The following HOMEZ variants were observed in gnomAD, a reference collection of about 807,000 sequenced individuals.
HOMEZ encodes the protein homeobox and leucine zipper protein Homez.
HOMEZ carries 20 observed loss-of-function variants against 50.1 expected under a neutral mutation model. That is an observed-to-expected ratio of 0.40 (90% CI 0.28 to 0.58). HOMEZ has a LOEUF of 0.58. Ranked by LOEUF, HOMEZ falls within the 20% of genes least tolerant of loss-of-function variation. The probability of loss-of-function intolerance (pLI) is 0.46; values close to 1 mark genes in which losing one functional copy is unlikely to be tolerated. For missense variants in HOMEZ, 579 were observed against 680.5 expected (o/e 0.85, Z 1.66); for synonymous variants, 239 against 254.7 (o/e 0.94, Z 0.59).
In HOMEZ at chr14:23,275,816, G is replaced by A; in HGVS notation, c.1412C>T (p.Ala471Val). The change falls in exon 2 of 2, where the codon GCA becomes GTA. Residue 471 changes from alanine to valine, a missense_variant. By Grantham distance (64) the Ala-to-Val change is moderately conservative (BLOSUM62 0). Coordinates refer to ENST00000357460, the MANE Select transcript of HOMEZ (RefSeq NM_020834.3). Reference protein sequence around the residue: ...PDIQPLERYWAAHQQLRETDI... With the variant: ...PDIQPLERYWVAHQQLRETDI... ...AGTTTCCCGTAGCTGTTGGTGGGCT[G>A]CCCAGTACCTCTCCAAGGGTTGTAT... 6.2e-7 allele frequency: 1 copy of A among 1,607,450 alleles called. No homozygotes were observed. The highest frequency in any genetic ancestry group is 8.5e-7 in the Non-Finnish European group (1 of 1,176,198).
At chr14:23,281,306 C>T (rs1886550952) in intron 1 of HOMEZ, among the ~76,000 whole-genome samples, 1 of 152,152 alleles carries the variant, frequency 6.6e-6, no homozygotes, top group African/African-American at 2.4e-5. Context: ...GAAAGCAATA[C>T]TGCTTGAAGA....
At position 23,272,900 on chromosome 14, in the gene HOMEZ, C is replaced by G; in HGVS notation, c.*2675G>C. 1 of 1,487,968 alleles carries G rather than the reference C, an allele frequency of 6.7e-7. No homozygotes were observed. The highest frequency in any genetic ancestry group is 9.1e-7 in the Non-Finnish European group (1 of 1,095,870). The allele number at this position is 1,487,968 out of a possible 1,614,324, so 92.2% of individuals were successfully genotyped here. A position where few individuals can be genotyped will look rare whatever the true frequency, so the allele number is the denominator to read the frequency against. On this transcript the variant is annotated 3_prime_UTR_variant, in exon 2 of 2. Coordinates refer to ENST00000357460, the MANE Select transcript of HOMEZ (RefSeq NM_020834.3). Reference sequence around the variant, plus strand: ...GGACCACTTCTAGATAGATCATCTTCAAGATCTGATCTATACATGCTGCTG... The same window carrying G: ...GGACCACTTCTAGATAGATCATCTTGAAGATCTGATCTATACATGCTGCTG...
chr14:23,280,728 T>TA (rs1555323595), intron 1 of HOMEZ, among the ~76,000 whole-genome samples: 3 of 62,798 alleles, frequency 4.8e-5, no homozygotes, highest in African/African-American at 1.9e-4. Flanking sequence ...TTATTTTATT[T>TA]TATTTTATTT....
Position 23,275,683 on chromosome 14 carries a change from T to A in HOMEZ, c.1545A>T (p.Glu515Asp), listed in dbSNP as rs186036904. The change falls in exon 2 of 2, where the codon GAA (glutamate) becomes GAT (aspartate). Residue 515 changes from glutamate (E) to aspartate (D), a missense_variant. Glu to Asp is a conservative substitution (Grantham distance 45). Coordinates refer to ENST00000357460, the MANE Select transcript of HOMEZ (RefSeq NM_020834.3). ...GTTCTTCCTCCTCCTCTTCCTCTTC[T>A]TCATCTAGACAAACTACCACCTCAG... ...QPAEVVVCLD[E>D]EEEEEEEELP... 1 of 1,591,000 alleles carries A rather than the reference T, an allele frequency of 6.3e-7. No homozygotes were observed.
In HOMEZ at chr14:23,275,255, G is replaced by C; in HGVS notation, c.*320C>G. 1 of 343,884 alleles carries C rather than the reference G, an allele frequency of 2.9e-6. No individual in the cohort carries two copies. Among genetic ancestry groups the C allele is most frequent in the Admixed American group, 4.5e-5 (1 of 22,216 alleles). The allele number at this position is 343,884 out of a possible 1,614,324, so 21.3% of individuals were successfully genotyped here. ...GGTGCCAACATCTGGCCTCTGTATA[G>C]TACACCAAGGGAAAAAAACAGCAGA... On this transcript the variant is annotated 3_prime_UTR_variant, in exon 2 of 2. Coordinates refer to ENST00000357460, the MANE Select transcript of HOMEZ (RefSeq NM_020834.3).
In HOMEZ at chr14:23,272,693, G is replaced by A. The variant is rs1390018790; in HGVS notation, c.*2882C>T. 2.9e-5 allele frequency: 20 copies of A among 684,932 alleles called. No homozygotes were observed. Among genetic ancestry groups the A allele is most frequent in the Non-Finnish European group, 5.0e-5 (19 of 381,824 alleles). The allele number at this position is 684,932 out of a possible 1,614,324, so 42.4% of individuals were successfully genotyped here. Reference sequence around the variant, plus strand: ...TTGGAAAAGTTAGTTATCATGCAATGAAGAAAACTATGGGGAAGCAAAAGC... The same window carrying A: ...TTGGAAAAGTTAGTTATCATGCAATAAAGAAAACTATGGGGAAGCAAAAGC... On this transcript the variant is annotated 3_prime_UTR_variant, in exon 2 of 2. Coordinates refer to ENST00000357460, the MANE Select transcript of HOMEZ (RefSeq NM_020834.3).
chr14:23,281,191 C>T (rs185107627), intron 1 of HOMEZ, among the ~76,000 whole-genome samples: 73 of 152,236 alleles, frequency 4.8e-4, no homozygotes, highest in African/African-American at 1.5e-3. Context: ...GCAATGTGAT[C>T]GCAGGGATTT....
At position 23,276,441 on chromosome 14, in the gene HOMEZ, G is replaced by T. The variant is rs749796614; in HGVS notation, c.787C>A (p.Pro263Thr). 5.0e-6 allele frequency: 8 copies of T among 1,613,936 alleles called. No individual in the cohort carries two copies. The highest frequency in any genetic ancestry group is 5.1e-6 in the Non-Finnish European group (6 of 1,179,912). ...CTGGCAATTAATGCAATTGGTGGGGGTTTATCCCGAGCTTGTGGCTGGGGG... is the reference window on the plus strand; with the variant it reads ...CTGGCAATTAATGCAATTGGTGGGGTTTTATCCCGAGCTTGTGGCTGGGGG... The part of the protein sequence containing the change: ...TVPQPQARDK[P>T]PPIALIASSC... The change falls in exon 2 of 2, where the codon CCC (proline) becomes ACC (threonine). Residue 263 changes from proline to threonine, a missense_variant. Physicochemically the swap from Pro to Thr is conservative, Grantham distance 38. Transcript: ENST00000357460. The surrounding 1 kb of genome is among the most constrained non-coding windows in gnomAD (Gnocchi z 4.1).
At position 23,276,431 on chromosome 14, in the gene HOMEZ, A is replaced by G. The variant is rs1886359941; in HGVS notation, c.797T>C (p.Ile266Thr). The G allele has an allele frequency of 6.2e-7, 1 of 1,613,894 alleles. No individual in the cohort carries two copies. The highest frequency in any genetic ancestry group is 1.3e-5 in the African/African-American group (1 of 74,940). Residue 266 changes from isoleucine (I) to threonine (T), a missense_variant, in exon 2 of 2, where the codon ATT becomes ACT. Coordinates refer to ENST00000357460, the MANE Select transcript of HOMEZ (RefSeq NM_020834.3). This position sits in a 1 kb window ranked among gnomAD's most constrained non-coding sequence, Gnocchi z 4.1. ...CTTACAACTACTGGCAATTAATGCAATTGGTGGGGGTTTATCCCGAGCTTG... is the reference window on the plus strand; with the variant it reads ...CTTACAACTACTGGCAATTAATGCAGTTGGTGGGGGTTTATCCCGAGCTTG... ...QPQARDKPPP[I>T]ALIASSCKEE...
At position 23,272,952 on chromosome 14, in the gene HOMEZ, C is replaced by A; in HGVS notation, c.*2623G>T. ...AGGATGGACTGTAGCTTCCAGTACG[C>A]ATTAGGGGTGATGGCCCTGGAAAAT... On this transcript the variant is annotated 3_prime_UTR_variant, in exon 2 of 2. Transcript: ENST00000357460. The A allele has an allele frequency of 1.0e-6, 1 of 959,008 alleles. No individual in the cohort carries two copies. Among genetic ancestry groups the A allele is most frequent in the Non-Finnish European group, 1.5e-6 (1 of 649,774 alleles). The allele number at this position is 959,008 out of a possible 1,614,324, so 59.4% of individuals were successfully genotyped here.
At chr14:23,277,945 CAGCCTCCCGAGT>C (rs1306279127) in intron 1 of HOMEZ, among the ~76,000 whole-genome samples, 1 of 150,518 alleles carries the variant, frequency 6.6e-6, no homozygotes, top group Non-Finnish European at 1.5e-5. Context: ...TTCTCTACCT[CAGCCTCCCGAGT>C]AGCTGGGATT....
At position 23,273,722 on chromosome 14, in the gene HOMEZ, C is replaced by A. The variant is rs1457440909; in HGVS notation, c.*1853G>T. 1.3e-5 allele frequency: 2 copies of A among 152,180 alleles called. No homozygotes were observed. Among genetic ancestry groups the A allele is most frequent in the African/African-American group, 4.8e-5 (2 of 41,432 alleles). 9.4% of individuals were successfully genotyped at this position (152,180 alleles called of 1,614,324 possible). A position where few individuals can be genotyped will look rare whatever the true frequency, so the allele number is the denominator to read the frequency against. ...TAGGATCCCCATACCCTTTCTGGTACTCTGAATTTATTTTAAAGGCATTTC... is the reference window on the plus strand; with the variant it reads ...TAGGATCCCCATACCCTTTCTGGTAATCTGAATTTATTTTAAAGGCATTTC... On this transcript the variant is annotated 3_prime_UTR_variant, in exon 2 of 2. Transcript: ENST00000357460.
chr14:23,275,175 A>C lies in HOMEZ; in HGVS notation c.*400T>G. ...ATGGTGGGATTGGGGATGCACTGGAATCATCAATCAAATCAGAATCCTTTA... is the reference window on the plus strand; with the variant it reads ...ATGGTGGGATTGGGGATGCACTGGACTCATCAATCAAATCAGAATCCTTTA... On this transcript the variant is annotated 3_prime_UTR_variant, in exon 2 of 2. Transcript: ENST00000357460. 1 of 174,668 alleles carries C rather than the reference A, an allele frequency of 5.7e-6. No homozygotes were observed. 10.8% of individuals were successfully genotyped at this position (174,668 alleles called of 1,614,324 possible). A position where few individuals can be genotyped will look rare whatever the true frequency, so the allele number is the denominator to read the frequency against.
rs1193454949 is a variant in HOMEZ at position 23,272,934 on chromosome 14, A to C, written c.*2641T>G. Reference sequence around the variant, plus strand: ...ATCTATACATGCTGCTGAAGGATGGACTGTAGCTTCCAGTACGCATTAGGG... The same window carrying C: ...ATCTATACATGCTGCTGAAGGATGGCCTGTAGCTTCCAGTACGCATTAGGG... On this transcript the variant is annotated 3_prime_UTR_variant, in exon 2 of 2. Coordinates refer to ENST00000357460, the MANE Select transcript of HOMEZ (RefSeq NM_020834.3). 1 of 1,211,678 alleles carries C rather than the reference A, an allele frequency of 8.3e-7. No homozygotes were observed. Among genetic ancestry groups the C allele is most frequent in the South Asian group, 1.5e-5 (1 of 68,902 alleles). 75.1% of individuals were successfully genotyped at this position (1,211,678 alleles called of 1,614,324 possible).
At position 23,276,602 on chromosome 14, in the gene HOMEZ, C is replaced by T; in HGVS notation, c.626G>A (p.Gly209Asp). The T allele has an allele frequency of 6.2e-7, 1 of 1,614,002 alleles. No individual in the cohort carries two copies. The highest frequency in any genetic ancestry group is 8.5e-7 in the Non-Finnish European group (1 of 1,179,894). ...TGATTGGTAGGGGAATGCTCCACTG[C>T]CAGGTGTCATCAGGGACTCCTTTAA... Reference protein sequence around the residue: ...QKLKESLMTPGSGAFPYQSDF... With the variant: ...QKLKESLMTPDSGAFPYQSDF... Residue 209 changes from glycine (G) to aspartate (D), a missense_variant, in exon 2 of 2, where the codon GGC becomes GAC. Gly to Asp is a moderately conservative substitution (Grantham distance 94). Transcript: ENST00000357460. This position sits in a 1 kb window ranked among gnomAD's most constrained non-coding sequence, Gnocchi z 4.1.
At chr14:23,285,723 C>G in intron 1 of HOMEZ, 190 bp downstream of exon 1, 1 of 405,186 alleles carries the variant, frequency 2.5e-6, no homozygotes, top group Non-Finnish European at 4.3e-6. Flanking sequence ...CTTGCCCTCC[C>G]CTACACAGAC....
rs759895502 is a variant in HOMEZ at position 23,276,027 on chromosome 14, T to C, written c.1201A>G (p.Ile401Val). The C allele has an allele frequency of 5.0e-6, 8 of 1,613,822 alleles. No homozygotes were observed. In the South Asian group the frequency reaches 8.8e-5, roughly 18 times the overall value. Residue 401 changes from isoleucine (I) to valine (V), a missense_variant, in exon 2 of 2, where the codon ATT becomes GTT. By Grantham distance (29) the Ile-to-Val change is conservative. Transcript: ENST00000357460. This position sits in a 1 kb window ranked among gnomAD's most constrained non-coding sequence, Gnocchi z 4.1. ...TAGCGTGTGTCACCAAACCACTGAA[T>C]GATCTCAGGCCGAGGTAAACCAGTG... ...QITGLPRPEI[I>V]QWFGDTRYAL...
At position 23,272,816 on chromosome 14, in the gene HOMEZ, G is replaced by C; in HGVS notation, c.*2759C>G. On this transcript the variant is annotated 3_prime_UTR_variant, in exon 2 of 2. Coordinates refer to ENST00000357460, the MANE Select transcript of HOMEZ (RefSeq NM_020834.3). ...ACCCACATCTACCTTCTTGTCCTCT[G>C]CTGCAGACTCTCTACCAACAACGGA... is the stretch of plus-strand genomic sequence containing the variant. 1.3e-6 allele frequency: 2 copies of C among 1,545,732 alleles called. No individual in the cohort carries two copies. Among genetic ancestry groups the C allele is most frequent in the Non-Finnish European group, 1.7e-6 (2 of 1,143,164 alleles).
intron 1 of HOMEZ, among the ~76,000 whole-genome samples, chr14:23,283,744 A>G (rs573987403): frequency 6.6e-6 from 1 of 152,102 alleles, no homozygotes; most frequent in Non-Finnish European, 1.5e-5. Flanking sequence ...AAAATACAAA[A>G]ATTAGCCGGG....
Sources: gnomAD v4.1 joint callset for allele counts (sites outside exome capture counted in the v4.1 genomes callset) on GRCh38, gnomAD v4.1.1 for gene constraint, Gnocchi (gnomAD v3.1) non-coding constraint, MANE v1.5 for transcripts, NCBI Gene and HGNC (gene_info 2026-07-23, HGNC 2026-07-21) for gene names.